SPAG16: variants seen among roughly 807,000 people sequenced by gnomAD.
SPAG16 encodes the protein sperm associated antigen 16, also known as sperm-associated antigen 16 protein.
In SPAG16, 86 loss-of-function variants were observed where a neutral mutation model predicts 80.4. The ratio of observed to expected loss-of-function variants is 1.07; its 90% confidence interval spans 0.90 to 1.28. The LOEUF (loss-of-function observed/expected upper bound fraction) is 1.28, where lower values mean the gene tolerates loss of function less well. Ranked by LOEUF, SPAG16 falls within the 50% of genes most tolerant of loss-of-function variation. The pLI is 0.00. For missense variants in SPAG16, 870 were observed against 765.3 expected (o/e 1.14, Z -1.61); for synonymous variants, 294 against 265.9 (o/e 1.11, Z -1.03).
intron 9 of SPAG16, among the ~76,000 whole-genome samples, chr2:213,387,632 T>G (rs1285463177): frequency 6.7e-6 from 1 of 148,824 alleles, no homozygotes; most frequent in Non-Finnish European, 1.5e-5. Context: ...TTTTTTGTAT[T>G]TTTAGTAGAG....
At chr2:214,011,599 C>A (rs1044029180) in intron 12 of SPAG16, among the ~76,000 whole-genome samples, 1 of 152,082 alleles carries the variant, frequency 6.6e-6, no homozygotes. Context: ...ACTTTATTTA[C>A]AAAAATAAGC....
At chr2:213,757,911 C>T (rs915498204) in intron 10 of SPAG16, among the ~76,000 whole-genome samples, 18 of 152,074 alleles carry the variant, frequency 1.2e-4, no homozygotes, top group Non-Finnish European at 2.4e-4. Context: ...GCAAGCCCCT[C>T]CCTGCTGGCT....
chr2:213,767,600 C>G (rs1218641932), intron 10 of SPAG16, among the ~76,000 whole-genome samples: 1 of 151,076 alleles, frequency 6.6e-6, no homozygotes, highest in Non-Finnish European at 1.5e-5. Context: ...TATGCTGCAG[C>G]CTGGGCAATG....
chr2:213,648,881 T>G (rs2125138980), intron 10 of SPAG16, among the ~76,000 whole-genome samples: 1 of 152,270 alleles, frequency 6.6e-6, no homozygotes, highest in African/African-American at 2.4e-5. Flanking sequence ...ATTGGTTGCC[T>G]AATCCTGTGG....
chr2:214,051,107 G>A (rs1242327726), intron 13 of SPAG16, among the ~76,000 whole-genome samples: 1 of 152,104 alleles, frequency 6.6e-6, no homozygotes, highest in Non-Finnish European at 1.5e-5. Flanking sequence ...TTTTAATTAA[G>A]CTCTAAGAAT....
At chr2:214,052,678 A>C (rs1510552) in intron 13 of SPAG16, among the ~76,000 whole-genome samples, 122,162 of 152,114 alleles carry the variant, frequency 0.8, 49,493 homozygotes, top group South Asian at 0.9. Flanking sequence ...TGAAAAATTT[A>C]TCTGCCAATT....
chr2:213,340,161 A>G lies in SPAG16; in HGVS notation c.537-2A>G, dbSNP rs1391950681. 1.9e-6 allele frequency: 3 copies of G among 1,590,824 alleles called. No individual in the cohort carries two copies. The highest frequency in any genetic ancestry group is 2.6e-6 in the Non-Finnish European group (3 of 1,168,908). ...TTTATAAAGTTACTATTTTTTTTTC[A>G]GCAAAGCTAGAGAAGATTTGCTGAA... On this transcript the variant is annotated splice_acceptor_variant, in intron 5 of 15. Transcript: ENST00000331683. LOFTEE classifies it high-confidence loss of function.
intron 10 of SPAG16, among the ~76,000 whole-genome samples, chr2:213,736,193 G>C (rs2067272926): frequency 6.6e-6 from 1 of 152,150 alleles, no homozygotes; most frequent in Non-Finnish European, 1.5e-5. Flanking sequence ...TTAATAGAGT[G>C]AATAAATAAT....
chr2:214,050,758 C>G (rs1275912119), intron 13 of SPAG16, among the ~76,000 whole-genome samples: 1 of 152,142 alleles, frequency 6.6e-6, no homozygotes, highest in Non-Finnish European at 1.5e-5. Context: ...CTCCCATCTT[C>G]TTTTTCTCCC....
At chr2:213,565,264 A>T (rs2059722099) in intron 10 of SPAG16, among the ~76,000 whole-genome samples, 1 of 152,228 alleles carries the variant, frequency 6.6e-6, no homozygotes, top group Non-Finnish European at 1.5e-5. Flanking sequence ...TTATAAGAGC[A>T]TTGGAGACAT....
intron 14 of SPAG16, among the ~76,000 whole-genome samples, chr2:214,135,746 T>TCTCA (rs1453163611): frequency 6.6e-6 from 1 of 151,820 alleles, no homozygotes; most frequent in South Asian, 2.1e-4. Flanking sequence ...TCTCTCTCTC[T>TCTCA]CTCACTCTTG....
At chr2:213,675,562 A>G (rs911467561) in intron 10 of SPAG16, among the ~76,000 whole-genome samples, 2 of 152,162 alleles carry the variant, frequency 1.3e-5, no homozygotes, top group African/African-American at 4.8e-5. Flanking sequence ...TGATTTTTGT[A>G]TAAGGTGTAA....
At chr2:214,241,483 T>G (rs1689479347) in intron 15 of SPAG16, 1 of 152,234 alleles carries the variant, frequency 6.6e-6, no homozygotes, top group South Asian at 2.1e-4. Context: ...CTCATCCATT[T>G]TCCCAGCATC....
chr2:213,687,154 AT>A (rs936667012), intron 10 of SPAG16, among the ~76,000 whole-genome samples: 2 of 152,076 alleles, frequency 1.3e-5, no homozygotes, highest in Non-Finnish European at 2.9e-5. Context: ...ATATTAAGTT[AT>A]GTACCTCTTC....
intron 12 of SPAG16, among the ~76,000 whole-genome samples, chr2:213,984,800 T>G (rs1000858787): frequency 4.6e-5 from 7 of 152,216 alleles, no homozygotes; most frequent in Admixed American, 3.3e-4. Context: ...TCTCTAGTGC[T>G]GACGCCACTA....
At chr2:214,271,604 C>A (rs1692012430) in intron 15 of SPAG16, among the ~76,000 whole-genome samples, 1 of 152,028 alleles carries the variant, frequency 6.6e-6, no homozygotes, top group Non-Finnish European at 1.5e-5. Flanking sequence ...AGTTTGAGAC[C>A]AGCCTGGCCA....
intron 8 of SPAG16, among the ~76,000 whole-genome samples, chr2:213,371,429 G>C (rs2066631525): frequency 7.2e-6 from 1 of 138,064 alleles, no homozygotes; most frequent in Non-Finnish European, 1.6e-5. Context: ...GAAAAGAAAA[G>C]ACGATTTATT....
chr2:213,336,206 G>A (rs1016807488), intron 5 of SPAG16, among the ~76,000 whole-genome samples: 3 of 152,144 alleles, frequency 2.0e-5, no homozygotes, highest in Non-Finnish European at 4.4e-5. Context: ...TTCCCCTTGC[G>A]AGCCCACGCC....
At chr2:213,800,051 C>G (rs1005905663) in intron 10 of SPAG16, among the ~76,000 whole-genome samples, 1 of 151,436 alleles carries the variant, frequency 6.6e-6, no homozygotes, top group African/African-American at 2.4e-5. Flanking sequence ...CTATGGCTTT[C>G]TTAAATTATG....
Sources: allele counts gnomAD v4.1 joint callset (sites outside exome capture counted in the v4.1 genomes callset), GRCh38; gene constraint gnomAD v4.1.1; transcripts MANE v1.5; gene names NCBI Gene and HGNC (gene_info 2026-07-23, HGNC 2026-07-21).